The following BMPER variants were observed in gnomAD, a reference collection of about 807,000 sequenced individuals.
BMPER encodes the protein BMP binding endothelial regulator.
Under a neutral mutation model 87.3 loss-of-function variants are expected in BMPER, and 45 were observed. That is an observed-to-expected ratio of 0.52 (90% confidence interval 0.41 to 0.66). BMPER has a LOEUF of 0.66. BMPER is among the 30% of genes least tolerant of loss of function. The pLI, the probability that BMPER is intolerant of heterozygous loss-of-function variation, is 0.00. For synonymous variants in BMPER, 326 were observed against 316.2 expected (o/e 1.03, Z -0.33); for missense variants, 784 against 867.5 (o/e 0.90, Z 1.21).
At chr7:34,117,074 G>C (rs1406744606) in intron 13 of BMPER, among the ~76,000 whole-genome samples, 1 of 151,854 alleles carries the variant, frequency 6.6e-6, no homozygotes, top group Non-Finnish European at 1.5e-5. Flanking sequence ...TTGGTACATA[G>C]ACAATAACAA....
chr7:34,104,201 G>A (rs747607419), intron 13 of BMPER, among the ~76,000 whole-genome samples: 105 of 152,214 alleles, frequency 6.9e-4, no homozygotes, highest in Non-Finnish European at 1.2e-3. Flanking sequence ...TTGATGAGTC[G>A]TCCCCCCTTT....
intron 13 of BMPER, among the ~76,000 whole-genome samples, chr7:34,128,884 G>A (rs867056312): frequency 5.3e-5 from 8 of 152,298 alleles, no homozygotes; most frequent in Middle Eastern, 3.4e-3. Flanking sequence ...TCTGGCAGGA[G>A]TATTATAAAA....
At chr7:33,977,915 T>C (rs944430104) in intron 6 of BMPER, among the ~76,000 whole-genome samples, 1 of 152,126 alleles carries the variant, frequency 6.6e-6, no homozygotes, top group Non-Finnish European at 1.5e-5. Flanking sequence ...TATGTGTAAG[T>C]AGTTTATTTG....
chr7:34,141,701 A>G (rs931929424), intron 13 of BMPER, among the ~76,000 whole-genome samples: 24 of 151,520 alleles, frequency 1.6e-4, no homozygotes, highest in African/African-American at 5.8e-4. Flanking sequence ...TGTCTTAGGT[A>G]TCACTCATCA....
At chr7:34,106,703 C>A (rs1789828087) in intron 13 of BMPER, among the ~76,000 whole-genome samples, 2 of 152,214 alleles carry the variant, frequency 1.3e-5, no homozygotes. Flanking sequence ...GCCCACCTTA[C>A]TGGCAAGACA....
chr7:34,032,959 C>G (rs149388993), intron 6 of BMPER, among the ~76,000 whole-genome samples: 1,881 of 152,222 alleles, frequency 0.012, 31 homozygotes, highest in Middle Eastern at 0.075. Flanking sequence ...ACAGGCCAAA[C>G]CAGGTCAAAG....
intron 13 of BMPER, 112 bp from the exon 14 acceptor site, chr7:34,143,118 A>G: frequency 6.5e-7 from 1 of 1,529,510 alleles, no homozygotes; most frequent in Non-Finnish European, 8.9e-7. Context: ...AAAACAGCAA[A>G]TTTTAATGGG....
intron 11 of BMPER, among the ~76,000 whole-genome samples, chr7:34,078,514 C>T (rs762570593): frequency 1.4e-4 from 22 of 152,018 alleles, no homozygotes; most frequent in Non-Finnish European, 3.2e-4. Context: ...TTACTTTGCT[C>T]TTGTATGTGT....
intron 13 of BMPER, among the ~76,000 whole-genome samples, chr7:34,126,133 G>A (rs977061701): frequency 4.6e-5 from 7 of 152,188 alleles, no homozygotes; most frequent in African/African-American, 1.7e-4. Context: ...GATACTAGTG[G>A]TCAGGGAATG....
intron 6 of BMPER, among the ~76,000 whole-genome samples, chr7:34,040,993 C>G (rs1585766956): frequency 6.6e-6 from 1 of 152,284 alleles, no homozygotes; most frequent in East Asian, 1.9e-4. Flanking sequence ...AAGCTACAAC[C>G]AGCATCTACC....
intron 3 of BMPER, among the ~76,000 whole-genome samples, chr7:33,938,119 CCT>C (rs1784656641): frequency 6.6e-6 from 1 of 152,200 alleles, no homozygotes. Flanking sequence ...TGATTTTCCC[CCT>C]CTGTGGTTTC....
At chr7:33,946,139 T>C (rs916314967) in intron 3 of BMPER, among the ~76,000 whole-genome samples, 1 of 152,034 alleles carries the variant, frequency 6.6e-6, no homozygotes, top group East Asian at 1.9e-4. Flanking sequence ...CACAGGGCAG[T>C]AGGAGAGAGA....
chr7:34,130,264 A>G (rs1012085976), intron 13 of BMPER, among the ~76,000 whole-genome samples: 1 of 152,034 alleles, frequency 6.6e-6, no homozygotes. Flanking sequence ...CTGATCTGAC[A>G]ACCTACTGAA....
At chr7:34,108,876 C>G (rs761674950) in intron 13 of BMPER, among the ~76,000 whole-genome samples, 2 of 152,134 alleles carry the variant, frequency 1.3e-5, no homozygotes, top group Non-Finnish European at 2.9e-5. Context: ...CATAGGCTAC[C>G]AGGTGCTTTA....
Position 33,956,774 on chromosome 7 carries a change from A to G in BMPER, c.320-9705A>G, listed in dbSNP as rs538228264. On this transcript the variant is annotated intron_variant, in intron 3 of 14. Coordinates refer to ENST00000649409, the MANE Select transcript of BMPER (RefSeq NM_001365308.1). ...TTCTCTAGCTTACTTTAGTAAGAAT[A>G]CAGTGTATAATACACATAACATACA... 2.6e-5 allele frequency among the ~76,000 whole-genome samples: 4 copies of G among 152,370 alleles called. No homozygotes were observed. In the South Asian group the frequency reaches 8.3e-4, roughly 32 times the overall value.
At chr7:34,145,105 C>T (rs1425962107) in intron 14 of BMPER, among the ~76,000 whole-genome samples, 1 of 152,176 alleles carries the variant, frequency 6.6e-6, no homozygotes, top group Non-Finnish European at 1.5e-5. Context: ...TGATGTCTTT[C>T]TTCAATTGGC....
chr7:34,036,470 A>T (rs1787671082), intron 6 of BMPER, among the ~76,000 whole-genome samples: 1 of 152,138 alleles, frequency 6.6e-6, no homozygotes, highest in Non-Finnish European at 1.5e-5. Flanking sequence ...GCTGGCTGTC[A>T]GGGCCCTTAT....
At chr7:34,087,267 T>A (rs1469120699) in intron 13 of BMPER, among the ~76,000 whole-genome samples, 7 of 152,268 alleles carry the variant, frequency 4.6e-5, no homozygotes, top group Admixed American at 4.6e-4. Context: ...CTTTCTCCTC[T>A]CTGTACCACC....
intron 14 of BMPER, among the ~76,000 whole-genome samples, chr7:34,148,285 T>C (rs1417854676): frequency 1.3e-5 from 2 of 152,228 alleles, no homozygotes; most frequent in Non-Finnish European, 2.9e-5. Flanking sequence ...GGATCCATTC[T>C]CTCAAGTCTT....
Sources: gnomAD v4.1 joint callset for allele counts (sites outside exome capture counted in the v4.1 genomes callset) on GRCh38, gnomAD v4.1.1 for gene constraint, MANE v1.5 for transcripts, NCBI Gene and HGNC (gene_info 2026-07-23, HGNC 2026-07-21) for gene names.